The following NUMA1 variants were observed in gnomAD, a reference collection of about 807,000 sequenced individuals.
NUMA1 encodes the protein nuclear mitotic apparatus protein 1, also known as SP-H antigen.
NUMA1 carries 62 observed loss-of-function variants against 237.1 expected under a neutral mutation model. The observed-to-expected ratio is 0.26, with a 90% CI of 0.21 to 0.32. The LOEUF is 0.32. Among genes scored for constraint, NUMA1 ranks in the 10% least tolerant of loss-of-function variants. The pLI is 1.00. For synonymous variants in NUMA1, 1,028 were observed against 1,066.1 expected (o/e 0.96, Z 0.70); for missense variants, 2,533 against 2,666.5 (o/e 0.95, Z 1.10).
chr11:72,051,426 T>C (rs1942354447), intron 2 of NUMA1, among the ~76,000 whole-genome samples: 1 of 151,836 alleles, frequency 6.6e-6, no homozygotes, highest in African/African-American at 2.4e-5. Flanking sequence ...TATTCGACTA[T>C]AAACATGATA....
Position 72,008,858 on chromosome 11 carries a change from G to A in NUMA1, c.5059-13C>T, listed in dbSNP as rs757020687. 2 of 1,613,918 alleles carry A rather than the reference G, an allele frequency of 1.2e-6. No individual in the cohort carries two copies. The highest frequency in any genetic ancestry group is 2.2e-5 in the East Asian group (1 of 44,880). On this transcript the variant is annotated splice_polypyrimidine_tract_variant and intron_variant, in intron 19 of 26. Coordinates refer to ENST00000393695, the MANE Select transcript of NUMA1 (RefSeq NM_006185.4). ...CTGCATGGGCAACCTGAGAAGGAGA[G>A]GGCCAGGGGGAGAGTGAAGAAAAGC... is the stretch of plus-strand genomic sequence containing the variant.
chr11:72,054,551 A>G (rs1942535053), intron 2 of NUMA1, among the ~76,000 whole-genome samples: 1 of 152,172 alleles, frequency 6.6e-6, no homozygotes, highest in South Asian at 2.1e-4. Context: ...AAATACTATT[A>G]ATACCCTCAA....
At chr11:72,054,484 G>GT (rs1942531174) in intron 2 of NUMA1, among the ~76,000 whole-genome samples, 2 of 151,352 alleles carry the variant, frequency 1.3e-5, no homozygotes, top group African/African-American at 2.4e-5. Context: ...AAAAAAAAAT[G>GT]TAAGAGTAAC....
intron 2 of NUMA1, among the ~76,000 whole-genome samples, chr11:72,058,110 T>C (rs1392291453): frequency 2.6e-5 from 4 of 152,150 alleles, no homozygotes; most frequent in Admixed American, 6.6e-5. Context: ...GATGAAACGA[T>C]GTTTAGGAAA....
intron 2 of NUMA1, among the ~76,000 whole-genome samples, chr11:72,051,220 C>A (rs1272913275): frequency 1.3e-5 from 2 of 152,066 alleles, no homozygotes. Flanking sequence ...TAATAAATAA[C>A]GTGATCACCA....
chr11:72,079,332 A>G (rs1165867519), intron 1 of NUMA1, among the ~76,000 whole-genome samples: 3 of 152,126 alleles, frequency 2.0e-5, no homozygotes, highest in East Asian at 1.9e-4. Flanking sequence ...CACGAGGTCA[A>G]GAGTTCAAGA....
At chr11:72,007,089 T>G in intron 21 of NUMA1, 100 bp downstream of exon 21, 1 of 1,417,514 alleles carries the variant, frequency 7.1e-7, no homozygotes, top group Non-Finnish European at 9.6e-7. Context: ...ATGGACTGGC[T>G]GCTCATCCCT....
Position 72,012,586 on chromosome 11 carries a change from C to T in NUMA1, c.4609-144G>A, listed in dbSNP as rs1021681937. 13 of 833,158 alleles carry T rather than the reference C, an allele frequency of 1.6e-5. No individual in the cohort carries two copies. In the South Asian group the frequency reaches 2.1e-4, roughly 14 times the overall value. The allele number at this position is 833,158 out of a possible 1,614,324, so 51.6% of individuals were successfully genotyped here. On this transcript the variant is annotated intron_variant, in intron 15 of 26. Coordinates refer to ENST00000393695, the MANE Select transcript of NUMA1 (RefSeq NM_006185.4). ...AGTAAGTTTAAAAATGCCAGTTAGG[C>T]TGATTCTAATCCCCAGTGGCTCCTG... is the stretch of plus-strand genomic sequence containing the variant.
intron 2 of NUMA1, chr11:72,049,560 A>AATAATATATATATATATATAT (rs1555034473): frequency 2.2e-4 from 9 of 41,016 alleles, no homozygotes; most frequent in African/African-American, 7.6e-4. Flanking sequence ...AAATAATAAT[A>AATAATATATATATATATATAT]ATATATATAT....
At chr11:72,079,695 T>A (rs573935881) in intron 1 of NUMA1, among the ~76,000 whole-genome samples, 1 of 147,698 alleles carries the variant, frequency 6.8e-6, no homozygotes, top group East Asian at 2.0e-4. Flanking sequence ...GGTGCGTGTA[T>A]GAAACATGTT....
chr11:72,050,869 C>T (rs1034771013), intron 2 of NUMA1: 1 of 151,642 alleles, frequency 6.6e-6, no homozygotes, highest in African/African-American at 2.4e-5. Context: ...CTAAATGGCA[C>T]CAGATCTATA....
chr11:72,075,973 T>G (rs1943686621), intron 1 of NUMA1, among the ~76,000 whole-genome samples: 1 of 152,220 alleles, frequency 6.6e-6, no homozygotes, highest in Non-Finnish European at 1.5e-5. Context: ...CTGAGATTCT[T>G]AAGTTTATAC....
intron 22 of NUMA1, chr11:72,005,757 C>T (rs1350625542): frequency 1.6e-5 from 8 of 504,662 alleles, no homozygotes; most frequent in Non-Finnish European, 2.4e-5. Context: ...AGCCCATCAC[C>T]GCCTGAGAAG....
intron 2 of NUMA1, among the ~76,000 whole-genome samples, chr11:72,047,092 C>G (rs1039600248): frequency 6.6e-6 from 1 of 152,164 alleles, no homozygotes; most frequent in Non-Finnish European, 1.5e-5. Flanking sequence ...GGTGATCCTC[C>G]TGCCTCAGCC....
At chr11:72,080,372 C>T (rs1944063517) in intron 1 of NUMA1, 86 bp downstream of exon 1, 1 of 151,688 alleles carries the variant, frequency 6.6e-6, no homozygotes, top group Non-Finnish European at 1.5e-5. Context: ...CTTCCGCTCG[C>T]AGCGGCCTCT....
Position 72,008,954 on chromosome 11 carries a change from G to C in NUMA1, c.5058+13C>G, listed in dbSNP as rs573178070. ...GAATAGGAGTGAGGTGAGTCTGCCAGCCAAATTCTTACCTGTGCCTCCAGG... is the reference window on the plus strand; with the variant it reads ...GAATAGGAGTGAGGTGAGTCTGCCACCCAAATTCTTACCTGTGCCTCCAGG... On this transcript the variant is annotated intron_variant, in intron 19 of 26. Coordinates refer to ENST00000393695, the MANE Select transcript of NUMA1 (RefSeq NM_006185.4). 4.3e-6 allele frequency: 7 copies of C among 1,613,756 alleles called. No homozygotes were observed. The South Asian group carries it at 7.7e-5, about 18-fold the overall frequency.
chr11:72,030,230 A>C (rs1438257144), intron 3 of NUMA1, among the ~76,000 whole-genome samples: 1 of 151,700 alleles, frequency 6.6e-6, no homozygotes, highest in Non-Finnish European at 1.5e-5. Flanking sequence ...AGCTACTTAG[A>C]AGGCTGAGGT....
chr11:72,008,632 C>G (rs746819741), intron 20 of NUMA1, 56 bp downstream of exon 20: 3 of 1,565,674 alleles, frequency 1.9e-6, no homozygotes, highest in Non-Finnish European at 2.6e-6. Context: ...AGGATACAGC[C>G]TGATAAACAG....
chr11:72,036,573 G>A (rs916766938), intron 2 of NUMA1, among the ~76,000 whole-genome samples: 1 of 152,168 alleles, frequency 6.6e-6, no homozygotes, highest in Non-Finnish European at 1.5e-5. Context: ...CAATACCTAA[G>A]TCCTTGGGGA....
Sources: gnomAD v4.1 joint callset for allele counts (sites outside exome capture counted in the v4.1 genomes callset) on GRCh38, gnomAD v4.1.1 for gene constraint, MANE v1.5 for transcripts, NCBI Gene and HGNC (gene_info 2026-07-23, HGNC 2026-07-21) for gene names.